The following IRS4 variants were observed in gnomAD, a reference collection of about 807,000 sequenced individuals.
IRS4 encodes the protein 160 kDa phosphotyrosine protein.
In IRS4, 15 loss-of-function variants were observed where a neutral mutation model predicts 48.6. The observed-to-expected ratio is 0.31, with a 90% confidence interval of 0.21 to 0.48. The LOEUF is 0.48. IRS4 is among the 20% of genes least tolerant of loss of function. The pLI, the probability that IRS4 is intolerant of heterozygous loss-of-function variation, is 0.99. For missense variants in IRS4, 987 were observed against 1,023.4 expected, an observed-to-expected ratio of 0.96 and a Z score of 0.49; for synonymous variants, 459 against 413.2, an observed-to-expected ratio of 1.11 and a Z score of -1.34.
Position 108,734,977 on chromosome X carries a change from C to T in IRS4, c.1368G>A (p.Leu456=). The T allele has an allele frequency of 4.1e-6, 5 of 1,212,045 alleles. No individual in the cohort carries two copies. The highest frequency in any genetic ancestry group is 5.6e-6 in the Non-Finnish European group (5 of 895,619). ...AGCCAGAACCAGACACTTCAGAAGACAGGCGAGCTCCATTGTTCGGGGCTT... is the reference window on the plus strand; with the variant it reads ...AGCCAGAACCAGACACTTCAGAAGATAGGCGAGCTCCATTGTTCGGGGCTT... ...PAEAPNNGAR[L]SSEVSGSGSG... The change falls in exon 1 of 2, where the codon CTG becomes CTA. Residue 456 remains leucine, a synonymous_variant. Coordinates refer to ENST00000372129, the MANE Select transcript of IRS4 (RefSeq NM_001379150.1).
rs769975173 is a variant in IRS4 at position 108,732,608 on chromosome X, C to T, written c.3737G>A (p.Arg1246His). 2.5e-6 allele frequency: 3 copies of T among 1,209,969 alleles called. No homozygotes were observed. The highest frequency in any genetic ancestry group is 2.3e-4 in the Middle Eastern group (1 of 4,353). Residue 1246 changes from arginine to histidine, a missense_variant, in exon 1 of 2, where the codon CGT becomes CAT. Physicochemically the swap from Arg to His is conservative, Grantham distance 29. Coordinates refer to ENST00000372129, the MANE Select transcript of IRS4 (RefSeq NM_001379150.1). ...TTTGGGAGAGTCGAACTGATTATCA[C>T]GTCTGGCAAAATCCATTCTCACGTG... The part of the protein sequence containing the change: ...DTHVRMDFAR[R>H]DNQFDSPKRE
rs751991014 is a variant in IRS4, at chrX:108,720,419, T to C, written c.*2100A>G. 2.7e-5 allele frequency: 3 copies of C among 112,349 alleles called. No individual in the cohort carries two copies. The highest frequency in any genetic ancestry group is 5.6e-5 in the Non-Finnish European group (3 of 53,275). 9.3% of individuals were successfully genotyped at this position (112,349 alleles called of 1,213,427 possible). A position where few individuals can be genotyped will look rare whatever the true frequency, so the allele number is the denominator to read the frequency against. On this transcript the variant is annotated 3_prime_UTR_variant, in exon 2 of 2. Coordinates refer to ENST00000372129, the MANE Select transcript of IRS4 (RefSeq NM_001379150.1). ...GAACAAGATTGCATTTGTTATGCAGTACCTGTGACTATGTGTACCTGTTAC... is the reference window on the plus strand; with the variant it reads ...GAACAAGATTGCATTTGTTATGCAGCACCTGTGACTATGTGTACCTGTTAC...
At chrX:108,732,279 G>A (rs1409941315) in intron 1 of IRS4, among the ~76,000 whole-genome samples, 1 of 112,220 alleles carries the variant, frequency 8.9e-6, no homozygotes, top group East Asian at 2.8e-4. Flanking sequence ...ATTAAATGAT[G>A]GGGAAGGATG....
chrX:108,725,038 C>T (rs1316788519), intron 1 of IRS4: 1 of 110,933 alleles, frequency 9.0e-6, no homozygotes, highest in African/African-American at 3.3e-5. Flanking sequence ...TTTTCTGTTT[C>T]GAGTTATATA....
Position 108,735,986 on chromosome X carries a change from T to C in IRS4, c.359A>G (p.His120Arg). ...EYYENARKFR[H>R]SVRAAAAAAA... ...TGCAGCCGCCGCGGCGCGGACACTG[T>C]GCCGGAACTTCCTGGCATTTTCGTA... is the stretch of plus-strand genomic sequence containing the variant. Residue 120 changes from histidine (H) to arginine (R), a missense_variant, in exon 1 of 2, where the codon CAC becomes CGC. Transcript: ENST00000372129. 15 of 1,210,085 alleles carry C rather than the reference T, an allele frequency of 1.2e-5. No individual in the cohort carries two copies. The highest frequency in any genetic ancestry group is 1.7e-5 in the Non-Finnish European group (15 of 895,086).
chrX:108,725,122 T>C (rs756522131), intron 1 of IRS4, among the ~76,000 whole-genome samples: 56 of 111,491 alleles, frequency 5.0e-4, no homozygotes, highest in Middle Eastern at 4.6e-3. Flanking sequence ...TGGAAATTTG[T>C]AGGGTGAGCC....
At chrX:108,732,382 T>A (rs1289673050) in intron 1 of IRS4, 197 bp downstream of exon 1, 4 of 610,860 alleles carry the variant, frequency 6.5e-6, no homozygotes, top group Non-Finnish European at 9.8e-6. Flanking sequence ...TCTGTCCAGA[T>A]AAAGAAATTG....
chrX:108,733,832 C>A lies in IRS4; in HGVS notation c.2513G>T (p.Gly838Val). The change falls in exon 1 of 2, where the codon GGG (glycine) becomes GTG (valine). Residue 838 changes from glycine (G) to valine (V), a missense_variant. By Grantham distance (109) the Gly-to-Val change is moderately radical. This residue lies in a region of IRS4 where 720 missense variants were observed against 660.3 expected (regional missense o/e 1.09). Coordinates refer to ENST00000372129, the MANE Select transcript of IRS4 (RefSeq NM_001379150.1). ...YVPMLPGKFLGRGLDKEVSYN... is the reference protein window; with the variant it reads ...YVPMLPGKFLVRGLDKEVSYN... ...GGAGACTTCTTTGTCTAGGCCCCTC[C>A]CCAGGAACTTTCCAGGTAACATTGG... 1 of 1,211,376 alleles carries A rather than the reference C, an allele frequency of 8.3e-7. No homozygotes were observed.
chrX:108,734,581 A>C lies in IRS4; in HGVS notation c.1764T>G (p.Ser588=), dbSNP rs781542047. Residue 588 remains serine (S), a synonymous_variant, in exon 1 of 2, where the codon TCT becomes TCG. Transcript: ENST00000372129. Reference sequence around the variant, plus strand: ...CACTTCCTGAGCCTTTGCCCCCCCCAGAGTTCTTGCCACCACCTGAGCCAT... The same window carrying C: ...CACTTCCTGAGCCTTTGCCCCCCCCCGAGTTCTTGCCACCACCTGAGCCAT... The part of the protein sequence containing the change: ...DGHGSGGGKN[S]GGGKGSGSGK... 72 of 1,208,803 alleles carry C rather than the reference A, an allele frequency of 6.0e-5. No homozygotes were observed. Among genetic ancestry groups the C allele is most frequent in the Admixed American group, 2.0e-4 (9 of 45,673 alleles).
rs1476088708 is a variant in IRS4 at position 108,734,085 on chromosome X, G to A, written c.2260C>T (p.Pro754Ser). ...MMMFPRVSPPPAPSPPKAPDT... is the reference protein window; with the variant it reads ...MMMFPRVSPPSAPSPPKAPDT... ...GGTGCTTTTGGAGGACTCGGAGCAG[G>A]TGGTGGGCTCACTCTGGGAAACATC... The change falls in exon 1 of 2, where the codon CCT becomes TCT. Residue 754 changes from proline (P) to serine (S), a missense_variant. Pro to Ser is a moderately conservative substitution (Grantham distance 74). Coordinates refer to ENST00000372129, the MANE Select transcript of IRS4 (RefSeq NM_001379150.1). 4 of 1,211,789 alleles carry A rather than the reference G, an allele frequency of 3.3e-6. No individual in the cohort carries two copies. The highest frequency in any genetic ancestry group is 3.3e-6 in the Non-Finnish European group (3 of 895,530).
intron 1 of IRS4, among the ~76,000 whole-genome samples, chrX:108,730,276 A>G (rs772575820): frequency 2.1e-3 from 230 of 109,633 alleles, no homozygotes; most frequent in African/African-American, 7.3e-3. Flanking sequence ...ATTTCCTACA[A>G]TGGGTTGTTT....
chrX:108,729,647 T>C (rs2068890102), intron 1 of IRS4, among the ~76,000 whole-genome samples: 1 of 112,223 alleles, frequency 8.9e-6, no homozygotes, highest in East Asian at 2.8e-4. Context: ...GTTATACTTC[T>C]GGGTGTTTCT....
rs2068854877 is a variant in IRS4, at chrX:108,721,217, A to C, written c.*1302T>G. 1 of 111,995 alleles carries C rather than the reference A, an allele frequency of 8.9e-6. No individual in the cohort carries two copies. Among genetic ancestry groups the C allele is most frequent in the Non-Finnish European group, 1.9e-5 (1 of 53,194 alleles). 9.2% of individuals were successfully genotyped at this position (111,995 alleles called of 1,213,427 possible). A position where few individuals can be genotyped will look rare whatever the true frequency, so the allele number is the denominator to read the frequency against. On this transcript the variant is annotated 3_prime_UTR_variant, in exon 2 of 2. Transcript: ENST00000372129. ...TGATGAGGTTTGCCAATGATGGTAC[A>C]GCAAGCCAAGATTTGTGTGCCACCA...
At chrX:108,731,701 C>T (rs2068902594) in intron 1 of IRS4, among the ~76,000 whole-genome samples, 2 of 111,749 alleles carry the variant, frequency 1.8e-5, no homozygotes, top group South Asian at 7.5e-4. Context: ...CTTGATTTCC[C>T]ATAAGATATA....
chrX:108,728,275 A>C (rs1426353961), intron 1 of IRS4, among the ~76,000 whole-genome samples: 1 of 112,355 alleles, frequency 8.9e-6, no homozygotes, highest in Non-Finnish European at 1.9e-5. Context: ...AGTTCAATGT[A>C]ATAAAATTAC....
At chrX:108,727,309 A>T (rs111759173) in intron 1 of IRS4, among the ~76,000 whole-genome samples, 3 of 112,331 alleles carry the variant, frequency 2.7e-5, no homozygotes, top group Non-Finnish European at 5.6e-5. Context: ...CACTAGAAAC[A>T]TCTTTAAACA....
chrX:108,730,141 C>T (rs2068892838), intron 1 of IRS4, among the ~76,000 whole-genome samples: 1 of 111,540 alleles, frequency 9.0e-6, no homozygotes, highest in Non-Finnish European at 1.9e-5. Flanking sequence ...AAATAGAGAT[C>T]AGAAATGAGT....
At chrX:108,726,484 C>G (rs1466691648) in intron 1 of IRS4, 1 of 111,564 alleles carries the variant, frequency 9.0e-6, no homozygotes, top group Non-Finnish European at 1.9e-5. Flanking sequence ...GGTGGGGGCA[C>G]AGGACTCTGA....
In IRS4 at chrX:108,735,095, G is replaced by C. The variant is rs143848880; in HGVS notation, c.1250C>G (p.Pro417Arg). The change falls in exon 1 of 2, where the codon CCC (proline) becomes CGC (arginine). Residue 417 changes from proline to arginine, a missense_variant. This residue lies in a region of IRS4 where 720 missense variants were observed against 660.3 expected (regional missense o/e 1.09). Transcript: ENST00000372129. ...CGCTCTCCTTGACCTGCGCCCTCTG[G>C]GCAGGTGCAGTCTTCCTCGCCTGGA... ...AHSRRGRLHL[P>R]RGRRSRRAVS... is the part of the protein sequence containing the mutation. The C allele has an allele frequency of 1.8e-5, 22 of 1,211,724 alleles. No individual in the cohort carries two copies. In the South Asian group the frequency reaches 3.9e-4, roughly 21 times the overall value.
Sources: allele counts gnomAD v4.1 joint callset (sites outside exome capture counted in the v4.1 genomes callset), GRCh38; gene constraint gnomAD v4.1.1; regional missense constraint gnomAD v4.1.1; transcripts MANE v1.5; gene names NCBI Gene and HGNC (gene_info 2026-07-23, HGNC 2026-07-21).